ADAMTS19: variants seen among roughly 807,000 people sequenced by gnomAD.
The protein encoded by ADAMTS19 is A disintegrin and metalloproteinase with thrombospondin motifs 19.
Under a neutral mutation model 153.3 loss-of-function variants are expected in ADAMTS19, and 93 were observed. The observed-to-expected ratio is 0.61, with a 90% CI of 0.51 to 0.72. The LOEUF (loss-of-function observed/expected upper bound fraction) is 0.72, where lower values mean the gene tolerates loss of function less well. ADAMTS19 is among the 30% of genes least tolerant of loss of function. The pLI is 0.00. For missense variants in ADAMTS19, 1,482 were observed against 1,552.1 expected, an observed-to-expected ratio of 0.95 and a Z score of 0.76; for synonymous variants, 600 against 556.6, an observed-to-expected ratio of 1.08 and a Z score of -1.10.
chr5:129,580,220 T>C (rs1294821990), intron 7 of ADAMTS19, among the ~76,000 whole-genome samples: 1 of 152,200 alleles, frequency 6.6e-6, no homozygotes, highest in African/African-American at 2.4e-5. Context: ...AGTTCACTCA[T>C]GATTTGGCTT....
Position 129,695,161 on chromosome 5 carries a change from G to A in ADAMTS19, c.2954+306G>A, listed in dbSNP as rs146013559. ...AAACTTTGTTATTTGGTGGAACATA[G>A]CTGTTTGCTCCTGAATTCTCCAAAA... On this transcript the variant is annotated intron_variant, in intron 19 of 22. Transcript: ENST00000274487. Among the ~76,000 whole-genome samples, 629 of 152,162 alleles carry A rather than the reference G, an allele frequency of 4.1e-3. 5 individuals are homozygous for A. The highest frequency in any genetic ancestry group is 0.015 in the African/African-American group (606 of 41,508).
intron 21 of ADAMTS19, among the ~76,000 whole-genome samples, chr5:129,707,884 A>T (rs957604532): frequency 6.6e-6 from 1 of 152,200 alleles, no homozygotes; most frequent in Non-Finnish European, 1.5e-5. Flanking sequence ...CTCCTCCCTT[A>T]ATAATATAGA....
chr5:129,557,935 A>G (rs1020974075), intron 7 of ADAMTS19, among the ~76,000 whole-genome samples: 1 of 152,088 alleles, frequency 6.6e-6, no homozygotes, highest in Admixed American at 6.6e-5. Flanking sequence ...CCAGAAATGC[A>G]AGAGTAGTTT....
chr5:129,597,900 CAAA>C (rs66501856), intron 8 of ADAMTS19, among the ~76,000 whole-genome samples: 1 of 135,482 alleles, frequency 7.4e-6, no homozygotes. Context: ...GTCTCTATCT[CAAA>C]AAAAAAAAAA....
intron 6 of ADAMTS19, among the ~76,000 whole-genome samples, chr5:129,533,034 C>G (rs1028381127): frequency 6.6e-6 from 1 of 151,912 alleles, no homozygotes; most frequent in African/African-American, 2.4e-5. Context: ...ACCTGGCAGG[C>G]GGAGGTTGCA....
Position 129,533,617 on chromosome 5 carries a change from T to G in ADAMTS19, c.1328+4940T>G, listed in dbSNP as rs550475329. The stretch of plus-strand genomic sequence containing the variant: ...CCTTCAGTTCTGCTCTGATCTTAGT[T>G]ATTTCTTGCCTTCTGCTAGCTTTTG... On this transcript the variant is annotated intron_variant, in intron 6 of 22. Transcript: ENST00000274487. 7.9e-5 allele frequency among the ~76,000 whole-genome samples: 12 copies of G among 152,288 alleles called. No individual in the cohort carries two copies. The East Asian group carries it at 1.9e-3, about 25-fold the overall frequency.
chr5:129,698,455 A>G (rs139048998), intron 19 of ADAMTS19, among the ~76,000 whole-genome samples: 89 of 152,338 alleles, frequency 5.8e-4, no homozygotes, highest in Non-Finnish European at 1.0e-3. Context: ...TATAAAATAG[A>G]TGAATTCACT....
chr5:129,461,862 T>C lies in ADAMTS19; in HGVS notation c.747+105T>C. ...ACCTTCTCCCCTTTCAGTGTGCTCC[T>C]TTTGAGCTTGGCCCTAGACTGCACC... On this transcript the variant is annotated intron_variant, in intron 2 of 22. Transcript: ENST00000274487. The surrounding 1 kb of genome is among the most constrained non-coding windows in gnomAD (Gnocchi z 4.6). 1 of 1,425,386 alleles carries C rather than the reference T, an allele frequency of 7.0e-7. No homozygotes were observed. Among genetic ancestry groups the C allele is most frequent in the Non-Finnish European group, 9.1e-7 (1 of 1,095,392 alleles). 88.3% of individuals were successfully genotyped at this position (1,425,386 alleles called of 1,614,324 possible).
At chr5:129,520,809 G>GGTTTT (rs1751773434) in intron 3 of ADAMTS19, among the ~76,000 whole-genome samples, 2 of 152,136 alleles carry the variant, frequency 1.3e-5, no homozygotes, top group South Asian at 4.1e-4. Flanking sequence ...AAATCTGCAT[G>GGTTTT]GTTTTCTCTT....
chr5:129,638,450 C>G lies in ADAMTS19; in HGVS notation c.1771-3409C>G, dbSNP rs535569970. On this transcript the variant is annotated intron_variant, in intron 10 of 22. Coordinates refer to ENST00000274487, the MANE Select transcript of ADAMTS19 (RefSeq NM_133638.6). ...TTATTCCTAATAGTATTTATTTTTG[C>G]CTTCTCTTTTTGCTTGATTAATTTT... Among the ~76,000 whole-genome samples, 4 of 151,526 alleles carry G rather than the reference C, an allele frequency of 2.6e-5. No individual in the cohort carries two copies. In the South Asian group the frequency reaches 8.3e-4, roughly 32 times the overall value.
In ADAMTS19 at chr5:129,585,395, C is replaced by A. The variant is rs1749732211; in HGVS notation, c.1373-11164C>A. On this transcript the variant is annotated intron_variant, in intron 7 of 22. Transcript: ENST00000274487. ...TTTTCTTTCTAATATATATTATGAA[C>A]TTCCCTAAGGACAGTTTTCATTTTA... Among the ~76,000 whole-genome samples, 6 of 151,974 alleles carry A rather than the reference C, an allele frequency of 3.9e-5. No individual in the cohort carries two copies. The South Asian group carries it at 1.3e-3, about 32-fold the overall frequency.
intron 3 of ADAMTS19, among the ~76,000 whole-genome samples, chr5:129,521,808 G>A (rs1329522772): frequency 1.3e-5 from 2 of 152,122 alleles, no homozygotes; most frequent in East Asian, 1.9e-4. Context: ...ATGTTTCTGG[G>A]TGCATAGCCA....
intron 18 of ADAMTS19, among the ~76,000 whole-genome samples, chr5:129,693,927 A>G (rs904709972): frequency 6.6e-6 from 1 of 152,206 alleles, no homozygotes; most frequent in Non-Finnish European, 1.5e-5. Flanking sequence ...TGATAAGAAT[A>G]AAGGTTTGAG....
chr5:129,653,603 C>G (rs1753411422), intron 13 of ADAMTS19, among the ~76,000 whole-genome samples: 1 of 152,182 alleles, frequency 6.6e-6, no homozygotes, highest in African/African-American at 2.4e-5. Flanking sequence ...ACAGAGTTCT[C>G]ACTAGCACAT....
At chr5:129,536,222 A>G (rs1402508700) in intron 6 of ADAMTS19, among the ~76,000 whole-genome samples, 2 of 152,196 alleles carry the variant, frequency 1.3e-5, no homozygotes, top group Non-Finnish European at 2.9e-5. Context: ...CAAGAAAAAA[A>G]CAAACAACCC....
Position 129,654,409 on chromosome 5 carries a change from T to G in ADAMTS19, c.2280T>G (p.Asp760Glu). 1 of 1,612,204 alleles carries G rather than the reference T, an allele frequency of 6.2e-7. No individual in the cohort carries two copies. ...CTTCTTGTGGCTATCAGGGATTAGA[T>G]ATCTGTGCAAATGGCAGGTGCCAGG... is the stretch of plus-strand genomic sequence containing the variant. ...DGTSCGYQGL[D>E]ICANGRCQKV... The change falls in exon 14 of 23, where the codon GAT becomes GAG. Residue 760 changes from aspartate (D) to glutamate (E), a missense_variant. This residue lies in a region of ADAMTS19 where 616 missense variants were observed against 724.4 expected (regional missense o/e 0.85). Coordinates refer to ENST00000274487, the MANE Select transcript of ADAMTS19 (RefSeq NM_133638.6).
chr5:129,629,765 T>C (rs777090362), intron 10 of ADAMTS19, among the ~76,000 whole-genome samples: 7 of 152,084 alleles, frequency 4.6e-5, no homozygotes, highest in Non-Finnish European at 7.4e-5. Context: ...CAATTGGTGC[T>C]GGGTACCTTT....
Position 129,620,774 on chromosome 5 carries a change from A to C in ADAMTS19, c.1619+16A>C. The C allele has an allele frequency of 1.2e-6, 2 of 1,609,660 alleles. No individual in the cohort carries two copies. Among genetic ancestry groups the C allele is most frequent in the Non-Finnish European group, 1.7e-6 (2 of 1,177,526 alleles). ...GATTTCTCAGGTATGGAGGTCACTT[A>C]TTGTTTTTGCCTTGTGAATGATTAT... On this transcript the variant is annotated intron_variant, in intron 9 of 22. Transcript: ENST00000274487.
intron 16 of ADAMTS19, 58 bp from the exon 17 acceptor site, chr5:129,679,706 A>G: frequency 7.4e-7 from 1 of 1,360,434 alleles, no homozygotes; most frequent in Non-Finnish European, 1.0e-6. Context: ...TTTGTAGTAG[A>G]TGTTGATCAA....
Sources: gnomAD v4.1 joint callset for allele counts (sites outside exome capture counted in the v4.1 genomes callset) on GRCh38, gnomAD v4.1.1 for gene constraint, gnomAD v4.1.1 regional missense constraint, Gnocchi (gnomAD v3.1) non-coding constraint, MANE v1.5 for transcripts, NCBI Gene and HGNC (gene_info 2026-07-23, HGNC 2026-07-21) for gene names.